The following IL12RB2 variants were observed in gnomAD, a reference collection of about 807,000 sequenced individuals.
The protein encoded by IL12RB2 is interleukin-12 receptor subunit beta-2.
In IL12RB2, 82 loss-of-function variants were observed where a neutral mutation model predicts 89.4. That is an observed-to-expected ratio of 0.92 (90% CI 0.77 to 1.10). The LOEUF is 1.10. IL12RB2 is among the 50% of genes least tolerant of loss of function. The pLI is 0.00. For synonymous variants in IL12RB2, 368 were observed against 370.1 expected, an observed-to-expected ratio of 0.99 and a Z score of 0.07; for missense variants, 963 against 1,031.9, an observed-to-expected ratio of 0.93 and a Z score of 0.92.
chr1:67,379,061 G>T (rs1349358998), intron 13 of IL12RB2, among the ~76,000 whole-genome samples: 1 of 151,488 alleles, frequency 6.6e-6, no homozygotes, highest in African/African-American at 2.4e-5. Flanking sequence ...GCCAGGCATG[G>T]TGGCACACAC....
intron 2 of IL12RB2, among the ~76,000 whole-genome samples, chr1:67,318,470 C>T (rs1207335220): frequency 1.3e-5 from 2 of 151,958 alleles, no homozygotes; most frequent in African/African-American, 4.8e-5. Context: ...GGAGAGATGA[C>T]AGTGGTTTGG....
At chr1:67,335,524 G>GT (rs1475899569) in intron 8 of IL12RB2, among the ~76,000 whole-genome samples, 1 of 152,106 alleles carries the variant, frequency 6.6e-6, no homozygotes, top group African/African-American at 2.4e-5. Context: ...TAACCCTACA[G>GT]TTTTTTCCTT....
chr1:67,398,163 G>A lies in IL12RB2; in HGVS notation c.*2074G>A, dbSNP rs1400699257. Reference sequence around the variant, plus strand: ...CAATGGTTCCTTTCCTCTCAGCATCGCTGTAGCTTGCCTGTACCCAGGACA... The same window carrying A: ...CAATGGTTCCTTTCCTCTCAGCATCACTGTAGCTTGCCTGTACCCAGGACA... On this transcript the variant is annotated 3_prime_UTR_variant, in exon 17 of 17. Transcript: ENST00000674203. Among the ~76,000 whole-genome samples, 1 of 151,836 alleles carries A rather than the reference G, an allele frequency of 6.6e-6. No homozygotes were observed. The highest frequency in any genetic ancestry group is 2.4e-5 in the African/African-American group (1 of 41,306).
At chr1:67,389,970 G>A in intron 15 of IL12RB2, 59 bp from the exon 16 acceptor site, 1 of 856,056 alleles carries the variant, frequency 1.2e-6, no homozygotes, top group East Asian at 2.4e-5. Flanking sequence ...CTGAGAACCT[G>A]TGCTTCCATG....
intron 4 of IL12RB2, among the ~76,000 whole-genome samples, 182 bp from the exon 5 acceptor site, chr1:67,326,553 G>C (rs946790216): frequency 1.3e-5 from 2 of 152,180 alleles, no homozygotes; most frequent in African/African-American, 4.8e-5. Flanking sequence ...TATTATTACT[G>C]TTTCTAGGAG....
At chr1:67,328,456 G>A in intron 6 of IL12RB2, 72 bp downstream of exon 6, 3 of 1,604,002 alleles carry the variant, frequency 1.9e-6, no homozygotes, top group African/African-American at 2.7e-5. Context: ...TTTTTATATG[G>A]TTGTTTCAAG....
In IL12RB2 at chr1:67,397,558, G is replaced by A. The variant is rs1666437250; in HGVS notation, c.*1469G>A. ...CTCTCTTTTCCACAACATGGACTTG[G>A]AACATGATCCATGTTTTGCTCTTTA... is the stretch of plus-strand genomic sequence containing the variant. On this transcript the variant is annotated 3_prime_UTR_variant, in exon 17 of 17. Transcript: ENST00000674203. Among the ~76,000 whole-genome samples, 2 of 152,138 alleles carry A rather than the reference G, an allele frequency of 1.3e-5. No homozygotes were observed. Among genetic ancestry groups the A allele is most frequent in the Admixed American group, 1.3e-4 (2 of 15,270 alleles).
intron 2 of IL12RB2, among the ~76,000 whole-genome samples, chr1:67,314,761 G>A (rs1056630591): frequency 2.0e-5 from 3 of 152,206 alleles, no homozygotes; most frequent in African/African-American, 7.2e-5. Context: ...AATGGGGAAA[G>A]AGGCTGGTCA....
intron 8 of IL12RB2, among the ~76,000 whole-genome samples, chr1:67,338,302 A>T (rs1351858026): frequency 7.7e-6 from 1 of 130,124 alleles, no homozygotes; most frequent in Non-Finnish European, 1.6e-5. Context: ...GCATCACTGC[A>T]TTCCAGCCGA....
In IL12RB2 at chr1:67,390,953, A is replaced by G. The variant is rs529209539; in HGVS notation, c.2046+825A>G. On this transcript the variant is annotated intron_variant, in intron 16 of 16. Transcript: ENST00000674203. ...CTACCGAGTATGTTCTGTCATCCAC[A>G]CCCTTCCTCAGGCCAGAAGCCAGTG... Among the ~76,000 whole-genome samples the G allele has an allele frequency of 1.5e-4, 23 of 151,826 alleles. No individual in the cohort carries two copies. The South Asian group carries it at 4.6e-3, about 30-fold the overall frequency.
intron 11 of IL12RB2, among the ~76,000 whole-genome samples, chr1:67,369,778 G>A (rs529938423): frequency 5.3e-5 from 8 of 152,198 alleles, no homozygotes; most frequent in East Asian, 1.9e-4. Context: ...GGTGGCTCAC[G>A]CCTGTAATCC....
intron 5 of IL12RB2, among the ~76,000 whole-genome samples, chr1:67,327,114 C>T (rs908241725): frequency 6.6e-6 from 1 of 151,848 alleles, no homozygotes; most frequent in Admixed American, 6.6e-5. Flanking sequence ...GCACCCACCA[C>T]CACGCCCAGC....
intron 10 of IL12RB2, among the ~76,000 whole-genome samples, chr1:67,358,078 A>G (rs943663425): frequency 2.0e-5 from 3 of 152,150 alleles, no homozygotes; most frequent in Non-Finnish European, 2.9e-5. Flanking sequence ...TGTAAAGTGT[A>G]AGGACCTTAA....
intron 16 of IL12RB2, among the ~76,000 whole-genome samples, chr1:67,392,658 G>T (rs1320912805): frequency 2.4e-5 from 3 of 123,670 alleles, no homozygotes; most frequent in African/African-American, 9.3e-5. Context: ...TTGAGACGGA[G>T]TCTCGCTTTG....
At chr1:67,339,678 CCT>C (rs1237963427) in intron 9 of IL12RB2, among the ~76,000 whole-genome samples, 5 of 151,992 alleles carry the variant, frequency 3.3e-5, no homozygotes, top group Non-Finnish European at 7.4e-5. Context: ...ACAAAAATCC[CCT>C]GAGGTAAGTA....
intron 1 of IL12RB2, among the ~76,000 whole-genome samples, chr1:67,311,570 T>TA (rs1298444432): frequency 4.6e-5 from 7 of 152,358 alleles, no homozygotes; most frequent in Non-Finnish European, 1.0e-4. Context: ...TGCACAGTGA[T>TA]AAACTACTAA....
chr1:67,372,394 AG>A, intron 11 of IL12RB2, 41 bp from the exon 12 acceptor site: 1 of 1,032,882 alleles, frequency 9.7e-7, no homozygotes, highest in South Asian at 1.3e-5. Flanking sequence ...GTGACTCACC[AG>A]TAATGGCACG....
intron 8 of IL12RB2, among the ~76,000 whole-genome samples, chr1:67,331,989 T>C (rs1254602495): frequency 6.6e-6 from 1 of 152,188 alleles, no homozygotes; most frequent in Non-Finnish European, 1.5e-5. Context: ...ACGTGCAAAA[T>C]CTAAATTCTT....
chr1:67,310,155 G>T (rs1654834041), intron 1 of IL12RB2, among the ~76,000 whole-genome samples: 1 of 130,628 alleles, frequency 7.7e-6, no homozygotes, highest in Admixed American at 9.1e-5. Context: ...CTGCACTCCA[G>T]CCTGGGCGAC....
Sources: allele counts gnomAD v4.1 joint callset (sites outside exome capture counted in the v4.1 genomes callset), GRCh38; gene constraint gnomAD v4.1.1; transcripts MANE v1.5; gene names NCBI Gene and HGNC (gene_info 2026-07-23, HGNC 2026-07-21).